MAPK10: variants seen among roughly 807,000 people sequenced by gnomAD.
MAPK10 encodes the protein mitogen-activated protein kinase 10, also known as JNK3 alpha protein kinase.
In MAPK10, 25 loss-of-function variants were observed where a neutral mutation model predicts 59.3. The observed-to-expected ratio is 0.42, with a 90% confidence interval of 0.31 to 0.59. MAPK10 has a LOEUF of 0.59. MAPK10 is among the 20% of genes least tolerant of loss of function. The pLI is 0.15. For missense variants in MAPK10, 351 were observed against 568.9 expected (o/e 0.62, Z 3.90); for synonymous variants, 190 against 200.5 (o/e 0.95, Z 0.44).
chr4:86,178,043 T>A (rs1562740882), intron 3 of MAPK10, among the ~76,000 whole-genome samples: 1 of 152,108 alleles, frequency 6.6e-6, no homozygotes, highest in East Asian at 1.9e-4. Flanking sequence ...TGTTTTTAAC[T>A]GAAGGCTAAT....
chr4:86,187,678 T>G, intron 3 of MAPK10, among the ~76,000 whole-genome samples: 1 of 152,118 alleles, frequency 6.6e-6, no homozygotes, highest in East Asian at 1.9e-4. Flanking sequence ...AGAAATCACT[T>G]TATAATAAAA....
chr4:86,379,836 C>T (rs1740414013), intron 1 of MAPK10, among the ~76,000 whole-genome samples: 1 of 152,204 alleles, frequency 6.6e-6, no homozygotes. Flanking sequence ...CCTGATTTCC[C>T]ACTCCACACC....
At chr4:86,228,278 G>C (rs74913616) in intron 2 of MAPK10, among the ~76,000 whole-genome samples, 12,764 of 152,206 alleles carry the variant, frequency 0.084, 1,183 homozygotes, top group African/African-American at 0.23. Context: ...TATATGAAAA[G>C]TGTACTTGCA....
chr4:86,173,802 A>G (rs974244269), intron 3 of MAPK10, among the ~76,000 whole-genome samples: 2 of 152,164 alleles, frequency 1.3e-5, no homozygotes, highest in African/African-American at 4.8e-5. Context: ...CAACCCCATC[A>G]AAAGTGGCCA....
At chr4:86,305,117 A>G (rs1435546985) in intron 2 of MAPK10, among the ~76,000 whole-genome samples, 1 of 152,252 alleles carries the variant, frequency 6.6e-6, no homozygotes, top group East Asian at 1.9e-4. Flanking sequence ...CACCTATATT[A>G]TACTTGAAGG....
rs1744123772 is a variant in MAPK10 at position 86,017,826 on chromosome 4, T to G, written c.1253-456A>C. 6.6e-6 allele frequency among the ~76,000 whole-genome samples: 1 copy of G among 152,040 alleles called. No individual in the cohort carries two copies. Among genetic ancestry groups the G allele is most frequent in the African/African-American group, 2.4e-5 (1 of 41,382 alleles). ...CAACCTCTGCCTCCCAGGTTCAAGC[T>G]ATTCTCCTGCCTCAGCCTCCCGAGT... On this transcript the variant is annotated intron_variant, in intron 13 of 13. Transcript: ENST00000641462. This position sits in a 1 kb window ranked among gnomAD's most constrained non-coding sequence, Gnocchi z 4.4.
intron 1 of MAPK10, among the ~76,000 whole-genome samples, chr4:86,382,312 C>T (rs903395467): frequency 6.6e-6 from 1 of 152,124 alleles, no homozygotes; most frequent in Admixed American, 6.6e-5. Context: ...ACTGACCCCC[C>T]ACTCAGTCTT....
intron 2 of MAPK10, among the ~76,000 whole-genome samples, chr4:86,349,525 C>T (rs1299492407): frequency 2.6e-5 from 4 of 152,068 alleles, no homozygotes; most frequent in Non-Finnish European, 5.9e-5. Context: ...GCAAAGCAGA[C>T]ACAAACAGAT....
chr4:86,425,857 G>A (rs1393371347), intron 1 of MAPK10, among the ~76,000 whole-genome samples: 1 of 152,154 alleles, frequency 6.6e-6, no homozygotes, highest in Non-Finnish European at 1.5e-5. Flanking sequence ...TGTAATCCCA[G>A]CTACTCAGGA....
At chr4:86,080,799 T>C (rs1306794896) in intron 9 of MAPK10, 2 of 152,000 alleles carry the variant, frequency 1.3e-5, no homozygotes, top group African/African-American at 4.8e-5. Flanking sequence ...GATCCTTTTA[T>C]GTTGAGAAGA....
intron 1 of MAPK10, among the ~76,000 whole-genome samples, chr4:86,542,917 C>T (rs1450091348): frequency 6.6e-6 from 1 of 152,176 alleles, no homozygotes; most frequent in Non-Finnish European, 1.5e-5. Context: ...TAGTGCTTGT[C>T]GCTGGCATCA....
At chr4:86,539,346 G>A (rs145762494) in intron 1 of MAPK10, among the ~76,000 whole-genome samples, 244 of 152,292 alleles carry the variant, frequency 1.6e-3, no homozygotes, top group Middle Eastern at 6.8e-3. Flanking sequence ...GTGACACACT[G>A]AGGGAAAAGA....
chr4:86,507,353 T>C (rs540374075), intron 1 of MAPK10, among the ~76,000 whole-genome samples: 6 of 151,920 alleles, frequency 3.9e-5, no homozygotes, highest in African/African-American at 1.4e-4. Flanking sequence ...TGTCAGCAGA[T>C]GTGTAGACAG....
chr4:86,475,960 G>A (rs962414043), intron 1 of MAPK10, among the ~76,000 whole-genome samples: 4 of 151,966 alleles, frequency 2.6e-5, no homozygotes, highest in African/African-American at 7.3e-5. Flanking sequence ...ATACAAACTC[G>A]ACAGTGGTTC....
intron 11 of MAPK10, among the ~76,000 whole-genome samples, chr4:86,051,258 A>G (rs546965315): frequency 4.3e-4 from 65 of 152,208 alleles, no homozygotes; most frequent in Admixed American, 1.6e-3. Flanking sequence ...AAGACCATAA[A>G]CTTTTAATAG....
chr4:86,438,889 C>T (rs1423766794), intron 1 of MAPK10, among the ~76,000 whole-genome samples: 3 of 151,944 alleles, frequency 2.0e-5, no homozygotes, highest in South Asian at 2.1e-4. Context: ...TGGGGAGCCC[C>T]GTGACTCCCA....
rs551469153 is a variant in MAPK10 at position 86,516,583 on chromosome 4, G to A, written c.-263+77327C>T. On this transcript the variant is annotated intron_variant, in intron 1 of 4. Coordinates refer to the MAPK10 transcript ENST00000502302. The stretch of plus-strand genomic sequence containing the variant: ...TCAGCAGTGTTTTATGGTTTTCTTC[G>A]TAAAGATCTTTCACCTCTTTTGTTA... Among the ~76,000 whole-genome samples the A allele has an allele frequency of 3.9e-4, 60 of 152,144 alleles. 1 individual carries two copies. Among genetic ancestry groups the A allele is most frequent in the African/African-American group, 1.3e-3 (56 of 41,506 alleles).
At chr4:86,395,112 A>G (rs185083659) in intron 1 of MAPK10, among the ~76,000 whole-genome samples, 254 of 152,318 alleles carry the variant, frequency 1.7e-3, no homozygotes, top group African/African-American at 5.9e-3. Flanking sequence ...ATATTCCATA[A>G]AGCTATTTGG....
At chr4:86,177,525 A>T (rs184189558) in intron 3 of MAPK10, among the ~76,000 whole-genome samples, 1 of 152,238 alleles carries the variant, frequency 6.6e-6, no homozygotes, top group East Asian at 1.9e-4. Context: ...AGTTATTTTA[A>T]ATTCAAATTG....
Sources: allele counts gnomAD v4.1 joint callset (sites outside exome capture counted in the v4.1 genomes callset), GRCh38; gene constraint gnomAD v4.1.1; non-coding constraint Gnocchi (gnomAD v3.1); transcripts MANE v1.5; gene names NCBI Gene and HGNC (gene_info 2026-07-23, HGNC 2026-07-21).